C8orf34: variants seen among roughly 807,000 people sequenced by gnomAD.
C8orf34 encodes the protein chromosome 8 open reading frame 34.
Under a neutral mutation model 68.3 loss-of-function variants are expected in C8orf34, and 65 were observed. The observed-to-expected ratio is 0.95, with a 90% CI of 0.78 to 1.17. The LOEUF is 1.17. Among genes scored for constraint, C8orf34 ranks in the 50% most tolerant of loss-of-function variants. C8orf34 has a pLI of 0.00. For missense variants in C8orf34, 664 were observed against 655.4 expected (o/e 1.01, Z -0.14); for synonymous variants, 244 against 241.2 (o/e 1.01, Z -0.11).
intron 7 of C8orf34, among the ~76,000 whole-genome samples, chr8:68,537,045 T>C (rs1207699946): frequency 6.6e-6 from 1 of 152,170 alleles, no homozygotes; most frequent in African/African-American, 2.4e-5. Context: ...CTTTCTTATA[T>C]TCTGATCAAC....
intron 10 of C8orf34, among the ~76,000 whole-genome samples, chr8:68,764,035 A>T (rs556372987): frequency 6.6e-6 from 1 of 152,186 alleles, no homozygotes; most frequent in Admixed American, 6.5e-5. Flanking sequence ...TCCTCAGTCC[A>T]TCATTCCCTA....
intron 3 of C8orf34, among the ~76,000 whole-genome samples, chr8:68,463,693 CAT>C (rs1811962224): frequency 6.6e-6 from 1 of 152,182 alleles, no homozygotes; most frequent in African/African-American, 2.4e-5. Flanking sequence ...ACAAAAACCA[CAT>C]GATTATCTCA....
chr8:68,359,938 G>A (rs142206831), intron 1 of C8orf34, among the ~76,000 whole-genome samples: 40 of 152,238 alleles, frequency 2.6e-4, no homozygotes, highest in African/African-American at 9.6e-4. Context: ...TGCCTTCACA[G>A]CATGCCTATT....
chr8:68,750,582 CT>C (rs1322110475), intron 10 of C8orf34, among the ~76,000 whole-genome samples: 1 of 152,034 alleles, frequency 6.6e-6, no homozygotes, highest in Non-Finnish European at 1.5e-5. Context: ...TCAATCTTAA[CT>C]TTAAAATATA....
chr8:68,802,484 A>G (rs1271918873), intron 12 of C8orf34, among the ~76,000 whole-genome samples: 1 of 152,146 alleles, frequency 6.6e-6, no homozygotes, highest in Non-Finnish European at 1.5e-5. Context: ...TCTACAGTTC[A>G]TATGCCATTT....
At chr8:68,625,539 A>T (rs1226404074) in intron 7 of C8orf34, 1 of 684,608 alleles carries the variant, frequency 1.5e-6, no homozygotes, top group African/African-American at 1.8e-5. Flanking sequence ...AGTGTAAGGG[A>T]TGAGAACAGC....
chr8:68,538,324 G>A (rs1815564968), intron 7 of C8orf34, among the ~76,000 whole-genome samples: 2 of 152,104 alleles, frequency 1.3e-5, no homozygotes, highest in African/African-American at 4.8e-5. Flanking sequence ...AATGACCCAG[G>A]TCTAGACCTC....
intron 2 of C8orf34, 128 bp from the exon 3 acceptor site, chr8:68,446,201 G>A: frequency 1.4e-6 from 1 of 691,714 alleles, no homozygotes; most frequent in Non-Finnish European, 2.4e-6. Context: ...CCTTTGCGTG[G>A]GTACATTATT....
At chr8:68,742,603 G>T (rs184684572) in intron 10 of C8orf34, among the ~76,000 whole-genome samples, 1 of 152,084 alleles carries the variant, frequency 6.6e-6, no homozygotes, top group East Asian at 1.9e-4. Context: ...CTTCTCTTTC[G>T]ACTTTCCTGC....
At chr8:68,638,713 A>T (rs1426589305) in intron 7 of C8orf34, among the ~76,000 whole-genome samples, 1 of 151,946 alleles carries the variant, frequency 6.6e-6, no homozygotes, top group Non-Finnish European at 1.5e-5. Flanking sequence ...CAAGTTTTTG[A>T]TGACTCCCAT....
rs760303326 is a variant in C8orf34 at position 68,721,350 on chromosome 8, A to G, written c.1328-11A>G. 6.4e-7 allele frequency: 1 copy of G among 1,572,124 alleles called. No homozygotes were observed. The highest frequency in any genetic ancestry group is 8.7e-7 in the Non-Finnish European group (1 of 1,148,366). On this transcript the variant is annotated splice_polypyrimidine_tract_variant and intron_variant, in intron 9 of 13. Coordinates refer to ENST00000518698, the MANE Select transcript of C8orf34 (RefSeq NM_052958.4). ...GAGTATAATTTATTCATTTTTTAAA[A>G]ATAAAAATAGATTCCTTGCCTGGGA... is the stretch of plus-strand genomic sequence containing the variant.
intron 10 of C8orf34, among the ~76,000 whole-genome samples, chr8:68,765,672 G>A (rs1024874251): frequency 6.6e-6 from 1 of 152,080 alleles, no homozygotes; most frequent in Non-Finnish European, 1.5e-5. Flanking sequence ...TACTAGTGAC[G>A]CTGTTAATGG....
intron 8 of C8orf34, among the ~76,000 whole-genome samples, chr8:68,645,820 T>G (rs1165611617): frequency 6.6e-6 from 1 of 152,160 alleles, no homozygotes; most frequent in African/African-American, 2.4e-5. Flanking sequence ...AATCTTTTTT[T>G]CAAATACTCC....
At chr8:68,513,452 C>G (rs904120156) in intron 5 of C8orf34, among the ~76,000 whole-genome samples, 3 of 152,176 alleles carry the variant, frequency 2.0e-5, no homozygotes, top group Non-Finnish European at 4.4e-5. Flanking sequence ...ACCGGAGTTA[C>G]AAGCCATGCC....
Position 68,522,674 on chromosome 8 carries a change from T to G in C8orf34, c.938+703T>G, listed in dbSNP as rs529678130. Reference sequence around the variant, plus strand: ...TTGGAAAAACTATATTCAGAGTAATTTTTTTTTGTAATACCAGTTGCAACG... The same window carrying G: ...TTGGAAAAACTATATTCAGAGTAATGTTTTTTTGTAATACCAGTTGCAACG... On this transcript the variant is annotated intron_variant, in intron 6 of 13. Transcript: ENST00000518698. Among the ~76,000 whole-genome samples, 34 of 151,654 alleles carry G rather than the reference T, an allele frequency of 2.2e-4. No individual in the cohort carries two copies. In the South Asian group the frequency reaches 7.1e-3, roughly 31 times the overall value.
At chr8:68,338,228 C>G (rs968354002) in intron 1 of C8orf34, among the ~76,000 whole-genome samples, 38 of 152,084 alleles carry the variant, frequency 2.5e-4, no homozygotes, top group African/African-American at 8.9e-4. Context: ...GTCTCTAATC[C>G]CATTAATGAG....
intron 1 of C8orf34, among the ~76,000 whole-genome samples, chr8:68,380,910 G>C (rs768728873): frequency 1.3e-5 from 2 of 152,150 alleles, no homozygotes; most frequent in Non-Finnish European, 2.9e-5. Flanking sequence ...ATTATGCCCT[G>C]AGGCTTTATT....
intron 8 of C8orf34, among the ~76,000 whole-genome samples, chr8:68,651,591 G>A (rs369843671): frequency 5.3e-5 from 8 of 152,130 alleles, no homozygotes; most frequent in East Asian, 1.9e-4. Flanking sequence ...AATCCTTTTC[G>A]TCCTTTGCAG....
chr8:68,647,492 A>G (rs1819213747), intron 8 of C8orf34, among the ~76,000 whole-genome samples: 1 of 152,204 alleles, frequency 6.6e-6, no homozygotes, highest in East Asian at 1.9e-4. Flanking sequence ...ATATCTGCAA[A>G]GAATTCTTCT....
Sources: gnomAD v4.1 joint callset for allele counts (sites outside exome capture counted in the v4.1 genomes callset) on GRCh38, gnomAD v4.1.1 for gene constraint, MANE v1.5 for transcripts, NCBI Gene and HGNC (gene_info 2026-07-23, HGNC 2026-07-21) for gene names.